EGFL6: variants seen among roughly 807,000 people sequenced by gnomAD.
EGFL6 encodes the protein EGF like domain multiple 6.
Under a neutral mutation model 43.1 loss-of-function variants are expected in EGFL6, and 42 were observed. The observed-to-expected ratio is 0.98, with a 90% CI of 0.76 to 1.26. EGFL6 has a LOEUF of 1.26. Ranked by LOEUF, EGFL6 falls within the 50% of genes most tolerant of loss-of-function variation. The probability of loss-of-function intolerance (pLI) is 0.00; values close to 1 mark genes in which losing one functional copy is unlikely to be tolerated. For missense variants in EGFL6, 429 were observed against 427.8 expected (o/e 1.00, Z -0.02); for synonymous variants, 164 against 163.2 (o/e 1.01, Z -0.04).
At chrX:13,595,194 C>G (rs1465377026) in intron 3 of EGFL6, among the ~76,000 whole-genome samples, 1 of 108,020 alleles carries the variant, frequency 9.3e-6, no homozygotes, top group Non-Finnish European at 1.9e-5. Flanking sequence ...ATATTTTTTA[C>G]TTTTTTATTT....
At position 13,617,714 on chromosome X, in the gene EGFL6, C is replaced by T; in HGVS notation, c.779-16C>T. 1 of 1,160,087 alleles carries T rather than the reference C, an allele frequency of 8.6e-7. No individual in the cohort carries two copies. The highest frequency in any genetic ancestry group is 1.2e-6 in the Non-Finnish European group (1 of 862,520). On this transcript the variant is annotated splice_polypyrimidine_tract_variant and intron_variant, in intron 7 of 11. Transcript: ENST00000361306. ...TATCTTCCAATTTGGAACATATTGC[C>T]TCTTATTTGTTTTAGCTATCCCTGA...
chrX:13,619,784 G>C (rs1287234263), intron 9 of EGFL6, among the ~76,000 whole-genome samples: 1 of 111,437 alleles, frequency 9.0e-6, no homozygotes, highest in African/African-American at 3.3e-5. Flanking sequence ...GTCAGTTGTG[G>C]GCCTGCTTCG....
intron 11 of EGFL6, among the ~76,000 whole-genome samples, chrX:13,628,178 G>T (rs760130127): frequency 1.9e-4 from 21 of 111,272 alleles, no homozygotes; most frequent in African/African-American, 6.9e-4. Context: ...GGGCTTAGAG[G>T]TTATCTCCTA....
intron 3 of EGFL6, among the ~76,000 whole-genome samples, chrX:13,596,799 T>A (rs1236861613): frequency 8.9e-6 from 1 of 112,132 alleles, no homozygotes; most frequent in African/African-American, 3.2e-5. Flanking sequence ...TGGGTAGAGA[T>A]CAGGGATGCT....
intron 1 of EGFL6, among the ~76,000 whole-genome samples, chrX:13,582,534 T>A (rs769142693): frequency 9.0e-6 from 1 of 111,432 alleles, no homozygotes; most frequent in African/African-American, 3.3e-5. Flanking sequence ...AGTTAATAAA[T>A]TTTTGATGGC....
chrX:13,620,579 ACT>A (rs374523222), intron 9 of EGFL6, among the ~76,000 whole-genome samples: 104 of 110,001 alleles, frequency 9.5e-4, no homozygotes, highest in African/African-American at 3.2e-3. Context: ...TTCTACTAAA[ACT>A]CTTCAAAGCC....
chrX:13,618,040 A>T lies in EGFL6; in HGVS notation c.1089A>T (p.Arg363=). ...ATGACATAGAGGAGCGAAGCCTGCG[A>T]GGAGATGTGTTTTGTGAGTGTTATT... ...LKNDIEERSL[R]GDVFFPKVNE... The change falls in exon 8 of 12, where the codon CGA becomes CGT. Residue 363 remains arginine (R), a synonymous_variant. Coordinates refer to ENST00000361306, the MANE Select transcript of EGFL6 (RefSeq NM_015507.4). 1 of 1,191,797 alleles carries T rather than the reference A, an allele frequency of 8.4e-7. No individual in the cohort carries two copies. Among genetic ancestry groups the T allele is most frequent in the Non-Finnish European group, 1.1e-6 (1 of 885,603 alleles).
In EGFL6 at chrX:13,617,896, C is replaced by A; in HGVS notation, c.945C>A (p.Pro315=). 3 of 1,211,314 alleles carry A rather than the reference C, an allele frequency of 2.5e-6. No individual in the cohort carries two copies. Among genetic ancestry groups the A allele is most frequent in the Admixed American group, 2.2e-5 (1 of 45,976 alleles). Residue 315 remains proline (P), a synonymous_variant, in exon 8 of 12, where the codon CCC becomes CCA. Transcript: ENST00000361306. ...RTPTPKVNLQ[P]FNYEEIVSRG... is the part of the protein sequence containing the mutation. The stretch of plus-strand genomic sequence containing the variant: ...CTACCCCTAAGGTGAACTTGCAGCC[C>A]TTCAACTATGAAGAGATAGTTTCCA...
At chrX:13,606,661 A>C in intron 6 of EGFL6, 148 bp downstream of exon 6, 1 of 584,956 alleles carries the variant, frequency 1.7e-6, no homozygotes, top group Non-Finnish European at 2.5e-6. Flanking sequence ...TTATTTTTTT[A>C]GGTGTCTGGC....
intron 1 of EGFL6, among the ~76,000 whole-genome samples, chrX:13,578,633 C>T (rs960682963): frequency 4.5e-5 from 5 of 110,855 alleles, no homozygotes; most frequent in Admixed American, 9.6e-5. Flanking sequence ...TTTGTAGGGA[C>T]GTGGATGAAG....
chrX:13,632,283 A>C (rs1602663675), intron 11 of EGFL6, among the ~76,000 whole-genome samples: 1 of 102,996 alleles, frequency 9.7e-6, no homozygotes, highest in African/African-American at 3.5e-5. Flanking sequence ...TTGACTATAT[A>C]GTTTTGTTTT....
At chrX:13,618,282 G>A (rs1412758978) in intron 8 of EGFL6, among the ~76,000 whole-genome samples, 3 of 111,890 alleles carry the variant, frequency 2.7e-5, no homozygotes, top group African/African-American at 6.5e-5. Context: ...CCCCTACTTG[G>A]GGGGTTTCCT....
At chrX:13,570,560 T>G (rs1198571021) in intron 1 of EGFL6, among the ~76,000 whole-genome samples, 1 of 111,644 alleles carries the variant, frequency 9.0e-6, no homozygotes, top group Non-Finnish European at 1.9e-5. Flanking sequence ...CTGAAGCCGT[T>G]CCCTACTGCC....
intron 4 of EGFL6, 141 bp from the exon 5 acceptor site, chrX:13,603,176 T>C (rs2045642629): frequency 1.4e-6 from 1 of 736,138 alleles, no homozygotes; most frequent in East Asian, 3.6e-5. Flanking sequence ...TGGCTCTCCA[T>C]TTGGGACTCA....
At chrX:13,594,957 C>T in intron 3 of EGFL6, 29 bp downstream of exon 3, 1 of 1,100,604 alleles carries the variant, frequency 9.1e-7, no homozygotes, top group Non-Finnish European at 1.3e-6. Flanking sequence ...GGTCATAGTT[C>T]AAATTCAATC....
chrX:13,606,560 C>A (rs377325975), intron 6 of EGFL6, 47 bp downstream of exon 6: 13 of 1,163,520 alleles, frequency 1.1e-5, no homozygotes, highest in African/African-American at 1.8e-5. Context: ...CCCCACCAAA[C>A]CTTTGAGCCT....
chrX:13,583,117 C>T lies in EGFL6; in HGVS notation c.75-6439C>T, dbSNP rs1402664480. Reference sequence around the variant, plus strand: ...TCTTTTGCCCCCTGCTGTTTCCCTGCGCCTTCTCTATCCCACCATTCCCCT... The same window carrying T: ...TCTTTTGCCCCCTGCTGTTTCCCTGTGCCTTCTCTATCCCACCATTCCCCT... On this transcript the variant is annotated intron_variant, in intron 1 of 11. Coordinates refer to ENST00000361306, the MANE Select transcript of EGFL6 (RefSeq NM_015507.4). 5.5e-5 allele frequency among the ~76,000 whole-genome samples: 6 copies of T among 109,786 alleles called. No homozygotes were observed. In the East Asian group the frequency reaches 1.4e-3, roughly 26 times the overall value.
chrX:13,606,283 T>C, intron 5 of EGFL6, 96 bp from the exon 6 acceptor site: 1 of 957,741 alleles, frequency 1.0e-6, no homozygotes, highest in Non-Finnish European at 1.5e-6. Context: ...ATTATCAGTT[T>C]CCCAGATAAA....
At chrX:13,610,531 C>G (rs1252190970) in intron 7 of EGFL6, among the ~76,000 whole-genome samples, 1 of 111,880 alleles carries the variant, frequency 8.9e-6, no homozygotes, top group Admixed American at 9.4e-5. Context: ...AAACTTGATT[C>G]AGAGAGAGAG....
Sources: allele counts gnomAD v4.1 joint callset (sites outside exome capture counted in the v4.1 genomes callset), GRCh38; gene constraint gnomAD v4.1.1; transcripts MANE v1.5; gene names NCBI Gene and HGNC (gene_info 2026-07-23, HGNC 2026-07-21).